Variants in PDZRN3 observed in about 807,000 individuals in gnomAD.
The protein encoded by PDZRN3 is PDZ domain containing ring finger 3.
A neutral mutation model predicts 85.7 loss-of-function variants in PDZRN3; 38 were observed. That is an observed-to-expected ratio of 0.44 (90% confidence interval 0.34 to 0.58). The LOEUF (loss-of-function observed/expected upper bound fraction) is 0.58, where lower values mean the gene tolerates loss of function less well. Among genes scored for constraint, PDZRN3 ranks in the 20% least tolerant of loss-of-function variants. The probability of loss-of-function intolerance (pLI) is 0.01; values close to 1 mark genes in which losing one functional copy is unlikely to be tolerated. For synonymous variants in PDZRN3, 759 were observed against 638.0 expected, an observed-to-expected ratio of 1.19 and a Z score of -2.86; for missense variants, 1,629 against 1,506.4, an observed-to-expected ratio of 1.08 and a Z score of -1.35.
chr3:73,599,456 T>C (rs1364396237), intron 3 of PDZRN3, among the ~76,000 whole-genome samples: 1 of 152,190 alleles, frequency 6.6e-6, no homozygotes, highest in African/African-American at 2.4e-5. Flanking sequence ...TTAGTGAGTG[T>C]AGAGTTTCAG....
chr3:73,590,609 G>T (rs751191802), intron 3 of PDZRN3, among the ~76,000 whole-genome samples: 1 of 152,090 alleles, frequency 6.6e-6, no homozygotes, highest in African/African-American at 2.4e-5. Context: ...AATTTACCTT[G>T]TAAAATTAAG....
chr3:73,509,447 C>A (rs981068039), intron 3 of PDZRN3, among the ~76,000 whole-genome samples: 4 of 152,198 alleles, frequency 2.6e-5, no homozygotes, highest in African/African-American at 4.8e-5. Context: ...ATCATTTCAT[C>A]TCCCCTGGCT....
chr3:73,445,508 T>C (rs774314470), intron 3 of PDZRN3, among the ~76,000 whole-genome samples: 4 of 152,236 alleles, frequency 2.6e-5, no homozygotes, highest in Non-Finnish European at 4.4e-5. Flanking sequence ...CTCGTACCTA[T>C]AAGGTTCATG....
chr3:73,463,394 A>G (rs983872771), intron 3 of PDZRN3, among the ~76,000 whole-genome samples: 1 of 152,222 alleles, frequency 6.6e-6, no homozygotes, highest in African/African-American at 2.4e-5. Context: ...TTTTTCAGTC[A>G]CATGCTACTA....
At chr3:73,474,961 T>C (rs1324526179) in intron 3 of PDZRN3, among the ~76,000 whole-genome samples, 1 of 152,204 alleles carries the variant, frequency 6.6e-6, no homozygotes, top group Non-Finnish European at 1.5e-5. Context: ...CAGTCTTTTC[T>C]GCTCAAAGAG....
At chr3:73,589,974 C>T (rs1014235548) in intron 3 of PDZRN3, among the ~76,000 whole-genome samples, 4 of 151,902 alleles carry the variant, frequency 2.6e-5, no homozygotes, top group African/African-American at 9.7e-5. Flanking sequence ...TATTATTTGT[C>T]AAAACGCAGA....
At chr3:73,620,051 C>A (rs889565018) in intron 1 of PDZRN3, among the ~76,000 whole-genome samples, 18 of 152,274 alleles carry the variant, frequency 1.2e-4, no homozygotes, top group African/African-American at 3.6e-4. Flanking sequence ...GCTAAACATC[C>A]TACAATGCAC....
At chr3:73,392,257 G>T (rs1327639248) in intron 5 of PDZRN3, among the ~76,000 whole-genome samples, 1 of 152,254 alleles carries the variant, frequency 6.6e-6, no homozygotes, top group Admixed American at 6.5e-5. Context: ...GGGTGGCCAG[G>T]TGGCAGAGCT....
At position 73,562,983 on chromosome 3, in the gene PDZRN3, TTATATA is replaced by T. The variant is rs56679097; in HGVS notation, c.918+39365_918+39370del. Among the ~76,000 whole-genome samples the T allele has an allele frequency of 5.6e-3, 107 of 18,956 alleles. 5 individuals are homozygous for T. The highest frequency in any genetic ancestry group is 6.4e-3 in the Non-Finnish European group (58 of 9,122). The allele number at this position is 18,956 out of a possible 152,430, so 12.4% of individuals were successfully genotyped here. The stretch of plus-strand genomic sequence containing the variant: ...TAACCATGGGCTGCAAGTTGGCAAA[TTATATA>T]TATATATATATATATATATATATAT... On this transcript the variant is annotated intron_variant, in intron 3 of 9. Transcript: ENST00000263666.
At position 73,436,164 on chromosome 3, in the gene PDZRN3, C is replaced by T. The variant is rs570006229; in HGVS notation, c.919-31769G>A. ...CTTCCAAAGTACTGTGTCGTATCAC[C>T]CCGTTCATTTCCTTTGCATCGCTTT... is the stretch of plus-strand genomic sequence containing the variant. On this transcript the variant is annotated intron_variant, in intron 3 of 9. Coordinates refer to ENST00000263666, the MANE Select transcript of PDZRN3 (RefSeq NM_015009.3). Among the ~76,000 whole-genome samples, 26 of 152,312 alleles carry T rather than the reference C, an allele frequency of 1.7e-4. 1 individual carries two copies. The South Asian group carries it at 5.2e-3, about 30-fold the overall frequency.
chr3:73,493,566 G>T (rs2106666373), intron 3 of PDZRN3, among the ~76,000 whole-genome samples: 1 of 152,130 alleles, frequency 6.6e-6, no homozygotes, highest in Non-Finnish European at 1.5e-5. Context: ...CAAATCCCTG[G>T]TATCCCTGTA....
At chr3:73,495,565 T>G (rs889924016) in intron 3 of PDZRN3, among the ~76,000 whole-genome samples, 8 of 152,256 alleles carry the variant, frequency 5.3e-5, no homozygotes, top group Non-Finnish European at 1.2e-4. Context: ...TTTAATTCTA[T>G]ACTTTATTTA....
intron 3 of PDZRN3, chr3:73,593,909 G>A (rs1254771750): frequency 6.6e-6 from 1 of 152,066 alleles, no homozygotes; most frequent in East Asian, 1.9e-4. Flanking sequence ...TAAACAAATT[G>A]CATCATACCA....
intron 3 of PDZRN3, among the ~76,000 whole-genome samples, chr3:73,600,200 GA>G (rs1280722298): frequency 1.3e-5 from 2 of 151,920 alleles, no homozygotes; most frequent in East Asian, 3.9e-4. Flanking sequence ...CCCTTTGCAA[GA>G]ATTAAGGGTC....
chr3:73,567,668 G>A (rs2106844783), intron 3 of PDZRN3, among the ~76,000 whole-genome samples: 1 of 152,266 alleles, frequency 6.6e-6, no homozygotes, highest in African/African-American at 2.4e-5. Context: ...TTGTAAAAAT[G>A]TCCTTTTATA....
intron 3 of PDZRN3, among the ~76,000 whole-genome samples, chr3:73,598,470 T>C (rs941867051): frequency 8.6e-5 from 13 of 151,874 alleles, no homozygotes; most frequent in African/African-American, 2.9e-4. Context: ...GTAAGAGGAG[T>C]GCAGGGAAGA....
intron 3 of PDZRN3, among the ~76,000 whole-genome samples, chr3:73,602,097 C>T (rs1446353687): frequency 1.3e-5 from 2 of 152,100 alleles, no homozygotes; most frequent in East Asian, 1.9e-4. Context: ...CTGATGCATA[C>T]GAAACAGATT....
intron 3 of PDZRN3, among the ~76,000 whole-genome samples, chr3:73,512,432 C>A (rs139257870): frequency 6.6e-6 from 1 of 152,338 alleles, no homozygotes; most frequent in East Asian, 1.9e-4. Context: ...CATCCACATT[C>A]TTTTAACATT....
chr3:73,608,485 A>G, intron 2 of PDZRN3, 113 bp downstream of exon 2: 2 of 719,364 alleles, frequency 2.8e-6, no homozygotes, highest in Middle Eastern at 4.6e-4. Context: ...CTAATGACAG[A>G]GAGCAGAATG....
Sources: gnomAD v4.1 joint callset for allele counts (sites outside exome capture counted in the v4.1 genomes callset) on GRCh38, gnomAD v4.1.1 for gene constraint, MANE v1.5 for transcripts, NCBI Gene and HGNC (gene_info 2026-07-23, HGNC 2026-07-21) for gene names.